FAM184B: variants seen among roughly 807,000 people sequenced by gnomAD.
FAM184B encodes the protein family with sequence similarity 184 member B, also known as protein FAM184B.
In FAM184B, 111 loss-of-function variants were observed where a neutral mutation model predicts 135.9. The ratio of observed to expected loss-of-function variants is 0.82; its 90% CI spans 0.70 to 0.96. The LOEUF (loss-of-function observed/expected upper bound fraction) is 0.96. Ranked by LOEUF, FAM184B falls within the 40% of genes least tolerant of loss-of-function variation. The probability of loss-of-function intolerance (pLI) is 0.00; values close to 1 mark genes in which losing one functional copy is unlikely to be tolerated. For missense variants in FAM184B, 1,375 were observed against 1,323.9 expected (o/e 1.04, Z -0.60); for synonymous variants, 552 against 524.8 (o/e 1.05, Z -0.71).
chr4:17,706,403 G>A (rs1560181429), intron 3 of FAM184B, among the ~76,000 whole-genome samples: 1 of 151,928 alleles, frequency 6.6e-6, no homozygotes, highest in Non-Finnish European at 1.5e-5. Context: ...CACGTTATTC[G>A]TCTGCTGCCT....
At chr4:17,748,449 T>C (rs916552127) in intron 1 of FAM184B, among the ~76,000 whole-genome samples, 2 of 151,680 alleles carry the variant, frequency 1.3e-5, no homozygotes, top group African/African-American at 4.8e-5. Context: ...AGTTGGTCAA[T>C]GGTTGTCCTT....
chr4:17,765,313 G>A (rs1018609695), intron 1 of FAM184B, among the ~76,000 whole-genome samples: 7 of 152,018 alleles, frequency 4.6e-5, no homozygotes, highest in African/African-American at 1.7e-4. Flanking sequence ...GGCATTACCT[G>A]TAACAAAGGT....
chr4:17,735,117 T>C (rs184877110), intron 1 of FAM184B, among the ~76,000 whole-genome samples: 110 of 142,728 alleles, frequency 7.7e-4, no homozygotes, highest in African/African-American at 2.6e-3. Flanking sequence ...CACTCATAGG[T>C]GGGAATTAAA....
At chr4:17,773,328 C>T (rs1718859246) in intron 1 of FAM184B, among the ~76,000 whole-genome samples, 1 of 152,226 alleles carries the variant, frequency 6.6e-6, no homozygotes, top group Non-Finnish European at 1.5e-5. Flanking sequence ...AACCACTTGA[C>T]TCAGCATTTG....
At chr4:17,716,790 C>G (rs1243287239) in intron 1 of FAM184B, among the ~76,000 whole-genome samples, 1 of 152,098 alleles carries the variant, frequency 6.6e-6, no homozygotes, top group African/African-American at 2.4e-5. Flanking sequence ...TTGGCATTCT[C>G]AATACCAGAG....
rs546749060 is a variant in FAM184B at position 17,731,458 on chromosome 4, G to A, written c.142-21814C>T. Among the ~76,000 whole-genome samples, 30 of 152,188 alleles carry A rather than the reference G, an allele frequency of 2.0e-4. No individual in the cohort carries two copies. In the South Asian group the frequency reaches 6.2e-3, roughly 32 times the overall value. Reference sequence around the variant, plus strand: ...ATCTCACGTGCAGAGACACACATAGGCTCAAAATAAAGGGATGGAGGAAGA... The same window carrying A: ...ATCTCACGTGCAGAGACACACATAGACTCAAAATAAAGGGATGGAGGAAGA... On this transcript the variant is annotated intron_variant, in intron 1 of 17. Coordinates refer to ENST00000265018, the MANE Select transcript of FAM184B (RefSeq NM_015688.2).
At chr4:17,758,932 A>G (rs1718483274) in intron 1 of FAM184B, among the ~76,000 whole-genome samples, 1 of 152,026 alleles carries the variant, frequency 6.6e-6, no homozygotes, top group Admixed American at 6.6e-5. Context: ...GGGAAAGGTG[A>G]GGAAAGGTGG....
intron 5 of FAM184B, among the ~76,000 whole-genome samples, chr4:17,701,310 C>T (rs2108962230): frequency 6.6e-6 from 1 of 152,330 alleles, no homozygotes; most frequent in Non-Finnish European, 1.5e-5. Context: ...TACACATAGA[C>T]TGGTAGAGAG....
intron 1 of FAM184B, among the ~76,000 whole-genome samples, chr4:17,738,084 CT>C (rs1479370662): frequency 3.3e-5 from 5 of 152,144 alleles, no homozygotes; most frequent in Non-Finnish European, 7.3e-5. Flanking sequence ...GAGCAGGTAT[CT>C]AAGACTGGGC....
chr4:17,719,408 A>T (rs1456980019), intron 1 of FAM184B, among the ~76,000 whole-genome samples: 1 of 152,230 alleles, frequency 6.6e-6, no homozygotes, highest in Non-Finnish European at 1.5e-5. Flanking sequence ...TGAATTGTTT[A>T]TTTCTGGAAT....
At chr4:17,777,053 G>A (rs954667755) in intron 1 of FAM184B, among the ~76,000 whole-genome samples, 1 of 152,180 alleles carries the variant, frequency 6.6e-6, no homozygotes, top group African/African-American at 2.4e-5. Flanking sequence ...AGACTTGCAC[G>A]TGAATGTAAT....
At chr4:17,758,713 C>T (rs1023979793) in intron 1 of FAM184B, among the ~76,000 whole-genome samples, 13 of 152,176 alleles carry the variant, frequency 8.5e-5, no homozygotes, top group Non-Finnish European at 1.6e-4. Flanking sequence ...ACTTAGCAGG[C>T]GAGAGCCTGA....
At chr4:17,713,146 A>G (rs1577272631) in intron 1 of FAM184B, among the ~76,000 whole-genome samples, 1 of 152,202 alleles carries the variant, frequency 6.6e-6, no homozygotes, top group Admixed American at 6.5e-5. Flanking sequence ...CTCCATCCCC[A>G]GTGCCTGGCT....
intron 10 of FAM184B, among the ~76,000 whole-genome samples, chr4:17,653,328 C>G (rs754029437): frequency 6.6e-6 from 1 of 152,190 alleles, no homozygotes; most frequent in African/African-American, 2.4e-5. Flanking sequence ...TTACCATACT[C>G]AGGAGCACTA....
In FAM184B at chr4:17,639,081, G is replaced by A. The variant is rs41268399; in HGVS notation, c.2666+169C>T. On this transcript the variant is annotated intron_variant, in intron 14 of 17. Transcript: ENST00000265018. The stretch of plus-strand genomic sequence containing the variant: ...TCTCCTGAGCTCAAGTGATCCACCT[G>A]CCTCAGCCTCCCAAAGTGCTGGATT... Among the ~76,000 whole-genome samples, 5,259 of 152,252 alleles carry A rather than the reference G, an allele frequency of 0.035. 129 individuals carry two copies. The highest frequency in any genetic ancestry group is 0.055 in the Non-Finnish European group (3,750 of 68,002).
chr4:17,740,855 C>T (rs796349050), intron 1 of FAM184B, among the ~76,000 whole-genome samples: 6 of 152,316 alleles, frequency 3.9e-5, no homozygotes, highest in Admixed American at 1.3e-4. Flanking sequence ...GTTTCACTGT[C>T]GGCTCTGCTT....
At chr4:17,759,985 G>T (rs1718509257) in intron 1 of FAM184B, among the ~76,000 whole-genome samples, 1 of 152,166 alleles carries the variant, frequency 6.6e-6, no homozygotes, top group African/African-American at 2.4e-5. Context: ...GGCAGCCGCT[G>T]ATGTGATTCA....
At chr4:17,728,961 C>T (rs934133713) in intron 1 of FAM184B, among the ~76,000 whole-genome samples, 14 of 152,230 alleles carry the variant, frequency 9.2e-5, no homozygotes, top group East Asian at 1.9e-4. Context: ...TTGCCTCACT[C>T]GGGAAGCGCA....
intron 1 of FAM184B, among the ~76,000 whole-genome samples, chr4:17,757,718 A>G (rs1293954372): frequency 6.6e-6 from 1 of 152,164 alleles, no homozygotes; most frequent in African/African-American, 2.4e-5. Context: ...TTCTAATGTT[A>G]CACATATTTG....
Sources: gnomAD v4.1 joint callset for allele counts (sites outside exome capture counted in the v4.1 genomes callset) on GRCh38, gnomAD v4.1.1 for gene constraint, MANE v1.5 for transcripts, NCBI Gene and HGNC (gene_info 2026-07-23, HGNC 2026-07-21) for gene names.